The following PPTC7 variants were observed in gnomAD, a reference collection of about 807,000 sequenced individuals.
PPTC7 encodes protein phosphatase PTC7 homolog.
A neutral mutation model predicts 30.8 loss-of-function variants in PPTC7; 6 were observed. The observed-to-expected ratio is 0.19, with a 90% CI of 0.11 to 0.38. The LOEUF (loss-of-function observed/expected upper bound fraction) is 0.38. Ranked by LOEUF, PPTC7 falls within the 10% of genes least tolerant of loss-of-function variation. The pLI is 1.00. For missense variants in PPTC7, 218 were observed against 404.8 expected, an observed-to-expected ratio of 0.54 and a Z score of 3.96; for synonymous variants, 163 against 168.1, an observed-to-expected ratio of 0.97 and a Z score of 0.23.
At chr12:110,573,527 T>C (rs2064557434) in intron 1 of PPTC7, among the ~76,000 whole-genome samples, 1 of 152,192 alleles carries the variant, frequency 6.6e-6, no homozygotes, top group Non-Finnish European at 1.5e-5. Context: ...CCAACATGTA[T>C]TCTGTTTTTT....
At position 110,539,948 on chromosome 12, in the gene PPTC7, G is replaced by A. The variant is rs746821642; in HGVS notation, c.603-3C>T. On this transcript the variant is annotated splice_polypyrimidine_tract_variant and splice_region_variant and intron_variant, in intron 3 of 5. Coordinates refer to ENST00000354300, the MANE Select transcript of PPTC7 (RefSeq NM_139283.2). ...ACGTGCTATCAGCAGCATCCGGACT[G>A]TGGCAAGGACAGGGGAGGGACAAAG... is the stretch of plus-strand genomic sequence containing the variant. The A allele has an allele frequency of 7.4e-6, 12 of 1,613,470 alleles. No individual in the cohort carries two copies. The Admixed American group carries it at 8.3e-5, about 11-fold the overall frequency.
chr12:110,540,321 CTT>C (rs11369595), intron 3 of PPTC7, among the ~76,000 whole-genome samples: 468 of 105,028 alleles, frequency 4.5e-3, no homozygotes, highest in Admixed American at 7.2e-3. Context: ...CCCCCCCCGC[CTT>C]TTTTTTTTTT....
At chr12:110,565,269 G>A (rs370799092) in intron 1 of PPTC7, among the ~76,000 whole-genome samples, 12 of 149,936 alleles carry the variant, frequency 8.0e-5, no homozygotes, top group African/African-American at 2.7e-4. Flanking sequence ...GTTTTGTTTC[G>A]TTTTTCAGAC....
chr12:110,570,848 TC>T (rs1351588527), intron 1 of PPTC7, among the ~76,000 whole-genome samples: 1 of 151,742 alleles, frequency 6.6e-6, no homozygotes, highest in Admixed American at 6.6e-5. Context: ...CTAAGGGAAC[TC>T]AGAGGCTGGC....
chr12:110,540,323 T>TCCCC (rs2064249501), intron 3 of PPTC7, among the ~76,000 whole-genome samples: 1 of 132,292 alleles, frequency 7.6e-6, no homozygotes, highest in Non-Finnish European at 1.6e-5. Context: ...CCCCCCGCCT[T>TCCCC]TTTTTTTTTT....
chr12:110,575,882 G>A (rs758112401), intron 1 of PPTC7, among the ~76,000 whole-genome samples: 5 of 152,064 alleles, frequency 3.3e-5, no homozygotes, highest in Non-Finnish European at 5.9e-5. Context: ...ATGAAGAAAT[G>A]ACTTCAAAAA....
chr12:110,561,950 C>G (rs2064441354), intron 1 of PPTC7, among the ~76,000 whole-genome samples: 3 of 151,788 alleles, frequency 2.0e-5, no homozygotes. Flanking sequence ...CAAAAAAAAC[C>G]CCAACAAAAC....
In PPTC7 at chr12:110,538,242, G is replaced by A. The variant is rs1396426508; in HGVS notation, c.758C>T (p.Ala253Val). The change falls in exon 5 of 6, where the codon GCC (alanine) becomes GTC (valine). Residue 253 changes from alanine (A) to valine (V), a missense_variant. Coordinates refer to ENST00000354300, the MANE Select transcript of PPTC7 (RefSeq NM_139283.2). ...ATGAGCTTGCTCAGCAATGCTTCTGGCAGTCTGTTGTATACTCTCATAATT... is the reference window on the plus strand; with the variant it reads ...ATGAGCTTGCTCAGCAATGCTTCTGACAGTCTGTTGTATACTCTCATAATT... Reference protein sequence around the residue: ...NSNYESIQQTARSIAEQAHEL... With the variant: ...NSNYESIQQTVRSIAEQAHEL... 8 of 1,613,862 alleles carry A rather than the reference G, an allele frequency of 5.0e-6. No individual in the cohort carries two copies. The highest frequency in any genetic ancestry group is 3.3e-5 in the South Asian group (3 of 91,076).
Position 110,536,212 on chromosome 12 carries a change from A to G in PPTC7, c.*825T>C, listed in dbSNP as rs973857072. ...CAGACAACTAGGAGGAATTTCAGCCATAACAATTAAATTTCTAGGCTTTGA... is the reference window on the plus strand; with the variant it reads ...CAGACAACTAGGAGGAATTTCAGCCGTAACAATTAAATTTCTAGGCTTTGA... On this transcript the variant is annotated 3_prime_UTR_variant, in exon 6 of 6. Coordinates refer to ENST00000354300, the MANE Select transcript of PPTC7 (RefSeq NM_139283.2). The G allele has an allele frequency of 2.0e-5, 3 of 152,250 alleles. No individual in the cohort carries two copies. Among genetic ancestry groups the G allele is most frequent in the African/African-American group, 7.2e-5 (3 of 41,462 alleles). 9.4% of individuals were successfully genotyped at this position (152,250 alleles called of 1,614,324 possible). A position where few individuals can be genotyped will look rare whatever the true frequency, so the allele number is the denominator to read the frequency against.
intron 4 of PPTC7, 43 bp downstream of exon 4, chr12:110,539,777 CAG>C (rs1254502410): frequency 3.8e-6 from 6 of 1,598,300 alleles, no homozygotes; most frequent in Middle Eastern, 3.4e-4. Context: ...CTCAGCTATC[CAG>C]AGAGGGCCAC....
intron 1 of PPTC7, among the ~76,000 whole-genome samples, chr12:110,575,665 C>T (rs2064583706): frequency 7.1e-6 from 1 of 141,548 alleles, no homozygotes; most frequent in Non-Finnish European, 1.5e-5. Context: ...CTGTAATCTA[C>T]CTTCTGCTAC....
chr12:110,546,148 G>T, intron 2 of PPTC7, 70 bp from the exon 3 acceptor site: 2 of 1,245,090 alleles, frequency 1.6e-6, no homozygotes, highest in Non-Finnish European at 2.3e-6. Flanking sequence ...TTTAACACAT[G>T]ACCCCACAGA....
chr12:110,571,137 C>T (rs375999488), intron 1 of PPTC7, among the ~76,000 whole-genome samples: 42 of 149,096 alleles, frequency 2.8e-4, no homozygotes, highest in South Asian at 1.1e-3. Context: ...TCGGAAGAAG[C>T]TAGGGTGATA....
At chr12:110,562,593 G>A (rs186612365) in intron 1 of PPTC7, among the ~76,000 whole-genome samples, 146 of 152,014 alleles carry the variant, frequency 9.6e-4, no homozygotes, top group African/African-American at 3.3e-3. Flanking sequence ...AGGAGTTTGA[G>A]ACCAGCCTGG....
At position 110,535,352 on chromosome 12, in the gene PPTC7, GAAT is replaced by G. The variant is rs2135755777; in HGVS notation, c.*1682_*1684del. The G allele has an allele frequency of 1.3e-5, 2 of 152,694 alleles. No individual in the cohort carries two copies. Among genetic ancestry groups the G allele is most frequent in the Non-Finnish European group, 2.9e-5 (2 of 68,016 alleles). The allele number at this position is 152,694 out of a possible 1,614,324, so 9.5% of individuals were successfully genotyped here. ...ATAAATTACTGAACGGCTTACAAAT[GAAT>G]AACTCATTCTTATTATAAATGAAAT... On this transcript the variant is annotated 3_prime_UTR_variant, in exon 6 of 6. Transcript: ENST00000354300.
In PPTC7 at chr12:110,536,842, G is replaced by A. The variant is rs547130926; in HGVS notation, c.*195C>T. ...ATATTGGATCTCTTCAATTGCTGCC[G>A]GCAGATATGAGCTAGTGAATGATAG... On this transcript the variant is annotated 3_prime_UTR_variant, in exon 6 of 6. Transcript: ENST00000354300. 1.5e-4 allele frequency: 77 copies of A among 519,010 alleles called. No individual in the cohort carries two copies. Among genetic ancestry groups the A allele is most frequent in the African/African-American group, 1.2e-3 (62 of 51,628 alleles). The allele number at this position is 519,010 out of a possible 1,614,324, so 32.2% of individuals were successfully genotyped here. A position where few individuals can be genotyped will look rare whatever the true frequency, so the allele number is the denominator to read the frequency against.
rs1331312389 is a variant in PPTC7, at chr12:110,534,689, A to G, written c.*2348T>C. On this transcript the variant is annotated 3_prime_UTR_variant, in exon 6 of 6. Coordinates refer to ENST00000354300, the MANE Select transcript of PPTC7 (RefSeq NM_139283.2). ...TCACTAATCTATAGGCCAGATCCAA[A>G]GCCAATTCCACTGTGAAACTCAATT... The G allele has an allele frequency of 1.3e-5, 2 of 152,208 alleles. No individual in the cohort carries two copies. The highest frequency in any genetic ancestry group is 2.9e-5 in the Non-Finnish European group (2 of 68,036). The allele number at this position is 152,208 out of a possible 1,614,324, so 9.4% of individuals were successfully genotyped here.
Position 110,533,797 on chromosome 12 carries a change from C to T in PPTC7, c.*3240G>A, listed in dbSNP as rs934219570. On this transcript the variant is annotated 3_prime_UTR_variant, in exon 6 of 6. Transcript: ENST00000354300. ...TCAAAGCTGACTCAATAAATTCCCA[C>T]GATTCCTGCCTAACTTGTTACTTGG... 5.9e-5 allele frequency: 9 copies of T among 152,310 alleles called. No individual in the cohort carries two copies. The East Asian group carries it at 1.7e-3, about 29-fold the overall frequency. 9.4% of individuals were successfully genotyped at this position (152,310 alleles called of 1,614,324 possible).
rs142381045 is a variant in PPTC7, at chr12:110,578,358, C to A, written c.223+4451G>T. 2.3e-4 allele frequency among the ~76,000 whole-genome samples: 35 copies of A among 152,278 alleles called. No individual in the cohort carries two copies. The East Asian group carries it at 6.7e-3, about 29-fold the overall frequency. ...GAAGAAGGAACAAGAAAAGTGTACACGGCTCCCGCTAGTACTGGTTTACTC... is the reference window on the plus strand; with the variant it reads ...GAAGAAGGAACAAGAAAAGTGTACAAGGCTCCCGCTAGTACTGGTTTACTC... On this transcript the variant is annotated intron_variant, in intron 1 of 5. Coordinates refer to ENST00000354300, the MANE Select transcript of PPTC7 (RefSeq NM_139283.2).
Sources: gnomAD v4.1 joint callset for allele counts (sites outside exome capture counted in the v4.1 genomes callset) on GRCh38, gnomAD v4.1.1 for gene constraint, MANE v1.5 for transcripts, NCBI Gene and HGNC (gene_info 2026-07-23, HGNC 2026-07-21) for gene names.